The following MVB12B variants were observed in gnomAD, a reference collection of about 807,000 sequenced individuals.
The protein encoded by MVB12B is ESCRT-I complex subunit MVB12B.
A neutral mutation model predicts 41.6 loss-of-function variants in MVB12B; 16 were observed. That is an observed-to-expected ratio of 0.38 (90% CI 0.26 to 0.58). MVB12B has a LOEUF of 0.58. MVB12B is among the 20% of genes least tolerant of loss of function. The probability of loss-of-function intolerance (pLI) is 0.62; values close to 1 mark genes in which losing one functional copy is unlikely to be tolerated. For synonymous variants in MVB12B, 133 were observed against 139.7 expected, an observed-to-expected ratio of 0.95 and a Z score of 0.34; for missense variants, 274 against 380.2, an observed-to-expected ratio of 0.72 and a Z score of 2.32.
intron 1 of MVB12B, among the ~76,000 whole-genome samples, chr9:126,328,945 T>A (rs111438778): frequency 5.9e-5 from 9 of 152,090 alleles, no homozygotes; most frequent in African/African-American, 1.4e-4. Flanking sequence ...GCTGTTTTTT[T>A]AAATTATTAT....
At position 126,376,969 on chromosome 9, in the gene MVB12B, C is replaced by T. The variant is rs1056947029; in HGVS notation, c.205-4095C>T. On this transcript the variant is annotated intron_variant, in intron 2 of 9. Transcript: ENST00000361171. The surrounding 1 kb of genome is among the most constrained non-coding windows in gnomAD (Gnocchi z 4.1). ...TGGATCCTGGGGCTCTGCTCAGTAT[C>T]GGCTGCCACGGGCCCCTTAGGTCAC... 6.6e-6 allele frequency among the ~76,000 whole-genome samples: 1 copy of T among 151,010 alleles called. No individual in the cohort carries two copies. Among genetic ancestry groups the T allele is most frequent in the Non-Finnish European group, 1.5e-5 (1 of 67,750 alleles).
At chr9:126,499,792 G>C (rs985965884) in intron 9 of MVB12B, among the ~76,000 whole-genome samples, 19 of 152,330 alleles carry the variant, frequency 1.2e-4, no homozygotes, top group South Asian at 8.3e-4. Context: ...GAGAGGGTGG[G>C]GGCGCAATCT....
At chr9:126,382,134 T>C (rs2118966145) in intron 3 of MVB12B, among the ~76,000 whole-genome samples, 1 of 150,640 alleles carries the variant, frequency 6.6e-6, no homozygotes, top group East Asian at 1.9e-4. Flanking sequence ...ACAACAAATA[T>C]CCTCATTCAA....
At chr9:126,360,443 G>C (rs1316986935) in intron 2 of MVB12B, among the ~76,000 whole-genome samples, 1 of 152,078 alleles carries the variant, frequency 6.6e-6, no homozygotes, top group Non-Finnish European at 1.5e-5. Context: ...ACACAAACAG[G>C]CTACAGGCTG....
chr9:126,364,813 G>T (rs1018831161), intron 2 of MVB12B, among the ~76,000 whole-genome samples: 2 of 152,020 alleles, frequency 1.3e-5, no homozygotes, highest in Non-Finnish European at 2.9e-5. Context: ...GTGCAGTGGC[G>T]CAATCTCCAC....
chr9:126,495,830 C>T (rs575663212), intron 9 of MVB12B, among the ~76,000 whole-genome samples: 20 of 152,270 alleles, frequency 1.3e-4, no homozygotes, highest in Non-Finnish European at 2.5e-4. Flanking sequence ...TGTGAAACAC[C>T]GCACAGGCCA....
chr9:126,378,133 TTA>T (rs779912272), intron 2 of MVB12B, among the ~76,000 whole-genome samples: 2 of 151,692 alleles, frequency 1.3e-5, no homozygotes, highest in South Asian at 2.1e-4. Context: ...ACACCCCACC[TTA>T]CCCCAGCTTC....
chr9:126,386,713 T>C lies in MVB12B; in HGVS notation c.409+55T>C, dbSNP rs1830805403. The C allele has an allele frequency of 1.5e-6, 2 of 1,305,980 alleles. No individual in the cohort carries two copies. The highest frequency in any genetic ancestry group is 2.2e-6 in the Non-Finnish European group (2 of 905,528). 80.9% of individuals were successfully genotyped at this position (1,305,980 alleles called of 1,614,324 possible). ...AATGAGCGTTTTCTTCCTCCAGGTATATTTGTAGGTGTTTTTCTATGTGCA... is the reference window on the plus strand; with the variant it reads ...AATGAGCGTTTTCTTCCTCCAGGTACATTTGTAGGTGTTTTTCTATGTGCA... On this transcript the variant is annotated intron_variant, in intron 4 of 9. Transcript: ENST00000361171. This position sits in a 1 kb window ranked among gnomAD's most constrained non-coding sequence, Gnocchi z 4.3.
Position 126,473,739 on chromosome 9 carries a change from C to T in MVB12B, c.758-7630C>T, listed in dbSNP as rs1287374711. ...CAAGAAATCCTCTCCCCACATAGCTCAGTCATCTCCCGCCGGGCCCCCTCC... is the reference window on the plus strand; with the variant it reads ...CAAGAAATCCTCTCCCCACATAGCTTAGTCATCTCCCGCCGGGCCCCCTCC... On this transcript the variant is annotated intron_variant, in intron 7 of 9. Transcript: ENST00000361171. This position sits in a 1 kb window ranked among gnomAD's most constrained non-coding sequence, Gnocchi z 4.0. 6.6e-6 allele frequency among the ~76,000 whole-genome samples: 1 copy of T among 152,236 alleles called. No homozygotes were observed. The highest frequency in any genetic ancestry group is 1.9e-4 in the East Asian group (1 of 5,202).
intron 6 of MVB12B, among the ~76,000 whole-genome samples, chr9:126,420,416 A>G (rs1445756830): frequency 1.3e-5 from 2 of 152,270 alleles, no homozygotes; most frequent in African/African-American, 4.8e-5. Flanking sequence ...AGTGTCCGCC[A>G]TGAGCTATCA....
intron 2 of MVB12B, among the ~76,000 whole-genome samples, chr9:126,347,891 G>A (rs1363968123): frequency 6.6e-6 from 1 of 152,220 alleles, no homozygotes; most frequent in Admixed American, 6.5e-5. Context: ...GGGCCTTTCA[G>A]GGGGCAGGAA....
chr9:126,411,471 TACTGGTCCA>T (rs1288397661), intron 6 of MVB12B, among the ~76,000 whole-genome samples: 2 of 152,270 alleles, frequency 1.3e-5, no homozygotes, highest in African/African-American at 2.4e-5. Flanking sequence ...TGCCTGTTGA[TACTGGTCCA>T]GCTCCCCTGG....
At chr9:126,413,499 A>G (rs1169281281) in intron 6 of MVB12B, among the ~76,000 whole-genome samples, 1 of 152,194 alleles carries the variant, frequency 6.6e-6, no homozygotes, top group African/African-American at 2.4e-5. Context: ...CTCAAATCTC[A>G]AAAAGGGAAG....
intron 6 of MVB12B, among the ~76,000 whole-genome samples, chr9:126,408,860 A>AATGCTATC (rs778856920): frequency 1.3e-5 from 2 of 152,200 alleles, no homozygotes; most frequent in Admixed American, 6.5e-5. Context: ...TATAGTTCTA[A>AATGCTATC]ATGCTATCAT....
chr9:126,378,401 C>CTGTA (rs1410247781), intron 2 of MVB12B, among the ~76,000 whole-genome samples: 1 of 152,156 alleles, frequency 6.6e-6, no homozygotes, highest in Non-Finnish European at 1.5e-5. Context: ...CATCTTGTTG[C>CTGTA]TGTAGGAAAG....
intron 6 of MVB12B, among the ~76,000 whole-genome samples, chr9:126,406,002 G>A (rs192464669): frequency 2.2e-4 from 34 of 151,214 alleles, no homozygotes; most frequent in African/African-American, 5.8e-4. Flanking sequence ...ACCATGTTGT[G>A]AGGTGAATAA....
intron 7 of MVB12B, among the ~76,000 whole-genome samples, chr9:126,439,067 G>A (rs1832566891): frequency 1.3e-5 from 2 of 152,104 alleles, no homozygotes; most frequent in Non-Finnish European, 2.9e-5. Context: ...GATTCCCTTA[G>A]CCCTGGGGGA....
chr9:126,354,895 TATC>T (rs1451479684), intron 2 of MVB12B, among the ~76,000 whole-genome samples: 1 of 152,152 alleles, frequency 6.6e-6, no homozygotes, highest in Admixed American at 6.5e-5. Flanking sequence ...ATAATAGAAA[TATC>T]ATCGATTTTC....
At chr9:126,375,996 C>T (rs1027069510) in intron 2 of MVB12B, among the ~76,000 whole-genome samples, 2 of 152,148 alleles carry the variant, frequency 1.3e-5, no homozygotes, top group Admixed American at 1.3e-4. Flanking sequence ...TGTGGAAACA[C>T]TCAGGACCTC....
Sources: allele counts gnomAD v4.1 joint callset (sites outside exome capture counted in the v4.1 genomes callset), GRCh38; gene constraint gnomAD v4.1.1; non-coding constraint Gnocchi (gnomAD v3.1); transcripts MANE v1.5; gene names NCBI Gene and HGNC (gene_info 2026-07-23, HGNC 2026-07-21).